NF1: variants seen among roughly 807,000 people sequenced by gnomAD.
NF1 encodes the protein neurofibromin 1, also known as neurofibromin.
In NF1, 122 loss-of-function variants were observed where a neutral mutation model predicts 325.7. That is an observed-to-expected ratio of 0.37 (90% CI 0.32 to 0.44). The LOEUF (loss-of-function observed/expected upper bound fraction) is 0.44. Among genes scored for constraint, NF1 ranks in the 20% least tolerant of loss-of-function variants. The pLI is 1.00. For synonymous variants in NF1, 1,091 were observed against 1,186.0 expected (o/e 0.92, Z 1.65); for missense variants, 2,140 against 3,415.4 (o/e 0.63, Z 9.31).
chr17:31,334,295 CAA>C (rs199925524), intron 39 of NF1, among the ~76,000 whole-genome samples: 57 of 119,508 alleles, frequency 4.8e-4, no homozygotes, highest in Middle Eastern at 4.9e-3. Context: ...GACTCCATCT[CAA>C]AAAAAAAAAA....
chr17:31,286,727 A>G (rs533121595), intron 36 of NF1, among the ~76,000 whole-genome samples: 3 of 152,336 alleles, frequency 2.0e-5, no homozygotes, highest in East Asian at 3.8e-4. Context: ...TTACTCTTAC[A>G]CTACATAATA....
intron 36 of NF1, among the ~76,000 whole-genome samples, chr17:31,298,076 A>G (rs2068502151): frequency 6.6e-6 from 1 of 152,158 alleles, no homozygotes. Context: ...TGCTGTATGA[A>G]TGACCATTTA....
chr17:31,344,063 A>G (rs747869408), intron 48 of NF1, among the ~76,000 whole-genome samples: 1 of 152,204 alleles, frequency 6.6e-6, no homozygotes, highest in Non-Finnish European at 1.5e-5. Context: ...GATTTTCAAA[A>G]TGAAACAGAC....
In NF1 at chr17:31,364,698, A is replaced by G. The variant is rs568196781; in HGVS notation, c.8377+3995A>G. Among the ~76,000 whole-genome samples, 4 of 152,370 alleles carry G rather than the reference A, an allele frequency of 2.6e-5. No individual in the cohort carries two copies. The East Asian group carries it at 7.7e-4, about 29-fold the overall frequency. ...CTAAGGGGGACTGTTTTACAAGTCT[A>G]CATATAAAAGTACCTAAATGGTTGT... On this transcript the variant is annotated intron_variant, in intron 57 of 57. Coordinates refer to ENST00000358273, the MANE Select transcript of NF1 (RefSeq NM_001042492.3).
At chr17:31,109,958 G>C (rs1913260415) in intron 1 of NF1, among the ~76,000 whole-genome samples, 1 of 152,110 alleles carries the variant, frequency 6.6e-6, no homozygotes, top group Non-Finnish European at 1.5e-5. Flanking sequence ...GAGCTGTGGG[G>C]GAGGGGAGAG....
chr17:31,193,723 G>A (rs1479896759), intron 8 of NF1, among the ~76,000 whole-genome samples: 1 of 152,060 alleles, frequency 6.6e-6, no homozygotes, highest in Non-Finnish European at 1.5e-5. Flanking sequence ...AATGGGCAAA[G>A]GACCTGAATA....
chr17:31,342,803 T>C (rs2069857978), intron 47 of NF1, among the ~76,000 whole-genome samples: 1 of 152,220 alleles, frequency 6.6e-6, no homozygotes, highest in African/African-American at 2.4e-5. Flanking sequence ...TTCCACCATC[T>C]TCTTATTTAT....
intron 8 of NF1, among the ~76,000 whole-genome samples, chr17:31,196,977 T>C (rs1333643932): frequency 1.3e-5 from 2 of 152,198 alleles, no homozygotes; most frequent in African/African-American, 4.8e-5. Context: ...TCTCCAACTT[T>C]ATTCTTTTTC....
At chr17:31,359,184 G>A (rs931390057) in intron 56 of NF1, 169 bp downstream of exon 56, 1 of 615,290 alleles carries the variant, frequency 1.6e-6, no homozygotes, top group African/African-American at 1.9e-5. Flanking sequence ...TTTTCCAGGA[G>A]GCAGCATGGT....
chr17:31,278,646 C>T (rs1434718530), intron 36 of NF1, among the ~76,000 whole-genome samples: 2 of 149,834 alleles, frequency 1.3e-5, no homozygotes, highest in African/African-American at 4.9e-5. Context: ...CAGAGTTTCG[C>T]TCTTGTTGCC....
chr17:31,372,245 C>T (rs917141569), intron 57 of NF1, among the ~76,000 whole-genome samples: 1 of 151,998 alleles, frequency 6.6e-6, no homozygotes, highest in Non-Finnish European at 1.5e-5. Context: ...AGATGTTTAC[C>T]CAGCCCTACG....
intron 36 of NF1, among the ~76,000 whole-genome samples, chr17:31,268,767 T>G (rs2067837294): frequency 6.6e-6 from 1 of 151,990 alleles, no homozygotes; most frequent in Non-Finnish European, 1.5e-5. Context: ...GGCACTACCA[T>G]GGCTCACTGC....
intron 36 of NF1, among the ~76,000 whole-genome samples, chr17:31,306,725 C>T (rs2068731318): frequency 6.6e-6 from 1 of 151,812 alleles, no homozygotes; most frequent in Admixed American, 6.6e-5. Flanking sequence ...GTCAAGTAGT[C>T]CTGCTGCTGC....
At chr17:31,359,218 TACAA>T (rs901405640) in intron 56 of NF1, 4 of 552,622 alleles carry the variant, frequency 7.2e-6, no homozygotes, top group Admixed American at 3.2e-5. Context: ...TATTCACTTT[TACAA>T]ACAAAGTCAA....
rs753245823 is a variant in NF1 at position 31,225,115 on chromosome 17, T to C, written c.1866T>C (p.Cys622=). The change falls in exon 17 of 58, where the codon TGT becomes TGC. Residue 622 remains cysteine (C), a synonymous_variant. Transcript: ENST00000358273. ...TCTAGCAGGCAGATAGAAGTTCCTG[T>C]CACTTTCTCCTTTTTTACGGGGTAG... ...LKNKQADRSS[C]HFLLFYGVGC... is the part of the protein sequence containing the mutation. 1.9e-6 allele frequency: 3 copies of C among 1,613,722 alleles called. No homozygotes were observed. Among genetic ancestry groups the C allele is most frequent in the Non-Finnish European group, 2.5e-6 (3 of 1,179,744 alleles).
At chr17:31,312,186 T>C (rs2068892480) in intron 36 of NF1, among the ~76,000 whole-genome samples, 1 of 152,042 alleles carries the variant, frequency 6.6e-6, no homozygotes, top group South Asian at 2.1e-4. Flanking sequence ...GCACTACTAG[T>C]AAACTTTAGA....
intron 1 of NF1, among the ~76,000 whole-genome samples, chr17:31,141,093 G>A (rs1185450805): frequency 6.6e-6 from 1 of 152,134 alleles, no homozygotes; most frequent in African/African-American, 2.4e-5. Flanking sequence ...TTAGCTGCTT[G>A]TAACACTTAC....
chr17:31,153,508 C>A (rs1161278206), intron 1 of NF1, among the ~76,000 whole-genome samples: 5 of 152,230 alleles, frequency 3.3e-5, no homozygotes, highest in African/African-American at 9.6e-5. Context: ...CTAAATTGGG[C>A]TGCTGTGCTT....
chr17:31,340,397 C>A, intron 46 of NF1, 108 bp from the exon 47 acceptor site: 1 of 1,396,548 alleles, frequency 7.2e-7, no homozygotes. Flanking sequence ...AAAGAGAAAA[C>A]ATGGGTAATT....
Sources: gnomAD v4.1 joint callset for allele counts (sites outside exome capture counted in the v4.1 genomes callset) on GRCh38, gnomAD v4.1.1 for gene constraint, MANE v1.5 for transcripts, NCBI Gene and HGNC (gene_info 2026-07-23, HGNC 2026-07-21) for gene names.